Variants in RBMS1 observed in about 807,000 individuals in gnomAD.
RBMS1 encodes RNA binding motif single stranded interacting protein 1, also known as RNA-binding motif, single-stranded-interacting protein 1.
Under a neutral mutation model 62.3 loss-of-function variants are expected in RBMS1, and 17 were observed. The ratio of observed to expected loss-of-function variants is 0.27; its 90% CI spans 0.19 to 0.41. The LOEUF (loss-of-function observed/expected upper bound fraction) is 0.41, where lower values mean the gene tolerates loss of function less well. Ranked by LOEUF, RBMS1 falls within the 10% of genes least tolerant of loss-of-function variation. RBMS1 has a pLI of 1.00. For synonymous variants in RBMS1, 172 were observed against 170.0 expected, an observed-to-expected ratio of 1.01 and a Z score of -0.09; for missense variants, 334 against 504.5, an observed-to-expected ratio of 0.66 and a Z score of 3.24.
At chr2:160,275,180 TG>T (rs1235032617) in intron 13 of RBMS1, among the ~76,000 whole-genome samples, 2 of 152,186 alleles carry the variant, frequency 1.3e-5, no homozygotes, top group South Asian at 2.1e-4. Context: ...AAGTGAGAGT[TG>T]GGAATATAAT....
chr2:160,427,027 T>C (rs935762373), intron 1 of RBMS1, among the ~76,000 whole-genome samples: 6 of 152,214 alleles, frequency 3.9e-5, no homozygotes, highest in African/African-American at 1.2e-4. Context: ...TGTTTGTTAA[T>C]TCTGCCTTAA....
chr2:160,283,932 G>A (rs1688232766), intron 9 of RBMS1: 1 of 152,134 alleles, frequency 6.6e-6, no homozygotes, highest in Admixed American at 6.5e-5. Flanking sequence ...TCTAACCCCA[G>A]AAATTAGGAC....
intron 1 of RBMS1, among the ~76,000 whole-genome samples, chr2:160,379,652 C>T (rs1337599757): frequency 6.6e-6 from 1 of 152,016 alleles, no homozygotes; most frequent in Non-Finnish European, 1.5e-5. Flanking sequence ...TTTTTCTTTT[C>T]GTTTTAAAAT....
intron 1 of RBMS1, among the ~76,000 whole-genome samples, chr2:160,407,204 G>T (rs1695774226): frequency 6.6e-6 from 1 of 152,148 alleles, no homozygotes; most frequent in Non-Finnish European, 1.5e-5. Flanking sequence ...CCCCCGGCCC[G>T]GCGCGCTTCT....
intron 6 of RBMS1, among the ~76,000 whole-genome samples, chr2:160,299,744 T>A (rs1279893361): frequency 6.6e-6 from 1 of 152,084 alleles, no homozygotes; most frequent in African/African-American, 2.4e-5. Flanking sequence ...ATTTTATTCA[T>A]CAAGTAGGAA....
chr2:160,358,613 T>G (rs1352228437), intron 2 of RBMS1, among the ~76,000 whole-genome samples: 1 of 152,086 alleles, frequency 6.6e-6, no homozygotes, highest in Non-Finnish European at 1.5e-5. Context: ...AGAAATCCTA[T>G]GATTTATAAA....
At chr2:160,296,224 T>C (rs1420080379) in intron 6 of RBMS1, among the ~76,000 whole-genome samples, 9 of 152,180 alleles carry the variant, frequency 5.9e-5, no homozygotes, top group South Asian at 4.1e-4. Context: ...GGGAAAACAA[T>C]ACTAACTTAA....
intron 1 of RBMS1, among the ~76,000 whole-genome samples, chr2:160,464,523 G>A (rs1240362482): frequency 2.0e-5 from 3 of 152,100 alleles, no homozygotes; most frequent in African/African-American, 7.2e-5. Flanking sequence ...GAGGAAGAAA[G>A]GCAGGCAATA....
intron 6 of RBMS1, among the ~76,000 whole-genome samples, chr2:160,295,693 G>T (rs1411100977): frequency 1.3e-5 from 2 of 152,142 alleles, no homozygotes; most frequent in African/African-American, 4.8e-5. Context: ...CCCCTTCAAA[G>T]AAAACACCAA....
chr2:160,338,407 A>G (rs1391980085), intron 2 of RBMS1, among the ~76,000 whole-genome samples: 3 of 152,118 alleles, frequency 2.0e-5, no homozygotes, highest in African/African-American at 7.2e-5. Context: ...CTCCTCCTTT[A>G]CTGTAGTGAC....
chr2:160,440,794 A>T (rs1370123286), intron 1 of RBMS1, among the ~76,000 whole-genome samples: 1 of 152,198 alleles, frequency 6.6e-6, no homozygotes, highest in Non-Finnish European at 1.5e-5. Flanking sequence ...CACTTACAAC[A>T]TCTTCTCACA....
chr2:160,484,509 A>G (rs1453200701), intron 1 of RBMS1, among the ~76,000 whole-genome samples: 4 of 150,684 alleles, frequency 2.7e-5, no homozygotes, highest in African/African-American at 4.9e-5. Context: ...AACAACAACA[A>G]CAACAAAAAA....
At chr2:160,460,916 CAAT>C (rs1342636734) in intron 1 of RBMS1, among the ~76,000 whole-genome samples, 1 of 152,172 alleles carries the variant, frequency 6.6e-6, no homozygotes, top group East Asian at 1.9e-4. Flanking sequence ...ATCTAGTCTA[CAAT>C]AATAAGAGTT....
chr2:160,381,592 G>C (rs1413467540), intron 1 of RBMS1, among the ~76,000 whole-genome samples: 1 of 152,170 alleles, frequency 6.6e-6, no homozygotes, highest in Non-Finnish European at 1.5e-5. Flanking sequence ...AAGATCAGTC[G>C]ACAACCTCTT....
At chr2:160,446,429 T>G (rs1683648980) in intron 1 of RBMS1, among the ~76,000 whole-genome samples, 1 of 152,216 alleles carries the variant, frequency 6.6e-6, no homozygotes, top group African/African-American at 2.4e-5. Flanking sequence ...TAACTCACCC[T>G]TAGGGGTCAC....
intron 1 of RBMS1, among the ~76,000 whole-genome samples, chr2:160,377,525 C>T (rs895688683): frequency 1.3e-5 from 2 of 152,152 alleles, no homozygotes; most frequent in East Asian, 3.9e-4. Context: ...TTGGGAAGGG[C>T]CCCCTTCCAG....
At chr2:160,318,453 G>A (rs192807555) in intron 2 of RBMS1, among the ~76,000 whole-genome samples, 2 of 152,264 alleles carry the variant, frequency 1.3e-5, no homozygotes, top group Non-Finnish European at 2.9e-5. Context: ...TGGGATTGCA[G>A]TTTGAAGTTC....
chr2:160,490,227 T>C (rs1200827120), intron 1 of RBMS1, among the ~76,000 whole-genome samples: 1 of 151,650 alleles, frequency 6.6e-6, no homozygotes, highest in African/African-American at 2.4e-5. Context: ...TTTATAAAGC[T>C]ACATCAAGCT....
chr2:160,362,876 G>A (rs1053228952), intron 2 of RBMS1, among the ~76,000 whole-genome samples: 2 of 152,062 alleles, frequency 1.3e-5, no homozygotes, highest in African/African-American at 4.8e-5. Flanking sequence ...GAGGTTGGAG[G>A]TTATGTTAGC....
Sources: gnomAD v4.1 joint callset for allele counts (sites outside exome capture counted in the v4.1 genomes callset) on GRCh38, gnomAD v4.1.1 for gene constraint, MANE v1.5 for transcripts, NCBI Gene and HGNC (gene_info 2026-07-23, HGNC 2026-07-21) for gene names.